LOC128125817: variants seen among roughly 807,000 people sequenced by gnomAD.
At chr1:41,590,275 G>A in the LOC128125817 span, among the ~76,000 whole-genome samples, 1 of 152,230 alleles carries the variant, frequency 6.6e-6, no homozygotes, top group Non-Finnish European at 1.5e-5. Flanking sequence ...CAGGGATTGT[G>A]GCAGAGACTG....
At chr1:41,606,195 T>C in the LOC128125817 span, among the ~76,000 whole-genome samples, 1 of 151,946 alleles carries the variant, frequency 6.6e-6, no homozygotes, top group Non-Finnish European at 1.5e-5. Flanking sequence ...TTTTTGGTGG[T>C]TACCAATTTT....
At chr1:41,600,910 C>T in the LOC128125817 span, among the ~76,000 whole-genome samples, 986 of 152,064 alleles carry the variant, frequency 6.5e-3, 5 homozygotes, top group African/African-American at 0.023. Flanking sequence ...TCTTTATGTA[C>T]GGTGATTTTT....
At chr1:41,596,243 G>T in the LOC128125817 span, among the ~76,000 whole-genome samples, 5 of 152,208 alleles carry the variant, frequency 3.3e-5, no homozygotes, top group Non-Finnish European at 5.9e-5. Context: ...GAAAGCAGGT[G>T]GAAGGCACAA....
At chr1:41,605,793 G>A in the LOC128125817 span, among the ~76,000 whole-genome samples, 4 of 152,128 alleles carry the variant, frequency 2.6e-5, no homozygotes, top group African/African-American at 9.7e-5. Flanking sequence ...AGTGTGGTTA[G>A]AGTGTTGGGT....
At chr1:41,603,527 T>G in the LOC128125817 span, among the ~76,000 whole-genome samples, 1 of 151,882 alleles carries the variant, frequency 6.6e-6, no homozygotes, top group Admixed American at 6.6e-5. Context: ...GCCCATCTAA[T>G]TTTTGTATTT....
At chr1:41,611,791 G>A in the LOC128125817 span, among the ~76,000 whole-genome samples, 2 of 152,262 alleles carry the variant, frequency 1.3e-5, no homozygotes, top group East Asian at 1.9e-4. Flanking sequence ...ATTCCATATC[G>A]GAAAAATATG....
At chr1:41,606,084 A>T in the LOC128125817 span, among the ~76,000 whole-genome samples, 44 of 152,068 alleles carry the variant, frequency 2.9e-4, no homozygotes, top group African/African-American at 1.0e-3. Flanking sequence ...AGAATGCCAA[A>T]CCGTCCTCAC....
At chr1:41,614,421 T>A in the LOC128125817 span, among the ~76,000 whole-genome samples, 1 of 152,186 alleles carries the variant, frequency 6.6e-6, no homozygotes, top group Non-Finnish European at 1.5e-5. Context: ...GCAGTGGCCA[T>A]CCCAACTGCT....
At chr1:41,628,487 T>C in the LOC128125817 span, among the ~76,000 whole-genome samples, 1 of 152,066 alleles carries the variant, frequency 6.6e-6, no homozygotes, top group African/African-American at 2.4e-5. Flanking sequence ...GAATGGAAAC[T>C]GAGGTACTGG....
the LOC128125817 span, among the ~76,000 whole-genome samples, chr1:41,613,187 A>G: frequency 1.2e-4 from 19 of 152,316 alleles, no homozygotes; most frequent in East Asian, 3.1e-3. Flanking sequence ...GTCCTCTCCA[A>G]ATGGGTTTCC....
chr1:41,617,283 G>A, the LOC128125817 span, among the ~76,000 whole-genome samples: 1 of 152,182 alleles, frequency 6.6e-6, no homozygotes. Flanking sequence ...TTCCAGAAGT[G>A]GAAACATGGA....
chr1:41,620,115 G>C, the LOC128125817 span, among the ~76,000 whole-genome samples: 1 of 152,150 alleles, frequency 6.6e-6, no homozygotes, highest in Non-Finnish European at 1.5e-5. Flanking sequence ...GAGGACAAAG[G>C]CTTGGGAGCA....
At chr1:41,594,052 T>C in the LOC128125817 span, among the ~76,000 whole-genome samples, 1 of 151,986 alleles carries the variant, frequency 6.6e-6, no homozygotes, top group Non-Finnish European at 1.5e-5. Flanking sequence ...GTGATTACAT[T>C]GAGTCCACCT....
the LOC128125817 span, among the ~76,000 whole-genome samples, chr1:41,594,038 T>G: frequency 2.4e-4 from 37 of 152,240 alleles, no homozygotes; most frequent in African/African-American, 8.9e-4. Context: ...TCCTAAGGAC[T>G]CTTGTGATTA....
chr1:41,620,333 T>C, the LOC128125817 span, among the ~76,000 whole-genome samples: 2 of 152,228 alleles, frequency 1.3e-5, no homozygotes, highest in Non-Finnish European at 2.9e-5. Flanking sequence ...TATTTACCCA[T>C]GACATAGTTT....
At chr1:41,626,637 T>G in the LOC128125817 span, among the ~76,000 whole-genome samples, 1 of 152,138 alleles carries the variant, frequency 6.6e-6, no homozygotes, top group Admixed American at 6.5e-5. Context: ...GTACACCTCA[T>G]GGAATGAACC....
chr1:41,620,183 G>A, the LOC128125817 span, among the ~76,000 whole-genome samples: 1 of 152,192 alleles, frequency 6.6e-6, no homozygotes, highest in Admixed American at 6.5e-5. Context: ...AAGACAGCAG[G>A]GCTTGTCCTG....
chr1:41,620,926 C>A, the LOC128125817 span, among the ~76,000 whole-genome samples: 1 of 152,178 alleles, frequency 6.6e-6, no homozygotes, highest in African/African-American at 2.4e-5. Flanking sequence ...CTTCCACCTG[C>A]GGCACCTCGA....
chr1:41,585,741 G>C, the LOC128125817 span, among the ~76,000 whole-genome samples: 19 of 152,120 alleles, frequency 1.2e-4, no homozygotes, highest in Admixed American at 2.0e-4. Context: ...ATCCTGCCTC[G>C]ACTGTGCCTC....
Sources: allele counts gnomAD v4.1 joint callset (sites outside exome capture counted in the v4.1 genomes callset), GRCh38; gene constraint gnomAD v4.1.1; transcripts MANE v1.5.